Variants in TAF5L observed in about 807,000 individuals in gnomAD.
TAF5L encodes TATA-box binding protein associated factor 5 like, also known as TAF5-like RNA polymerase II p300/CBP-associated factor-associated factor 65 kDa subunit 5L.
A neutral mutation model predicts 51.3 loss-of-function variants in TAF5L; 7 were observed. The observed-to-expected ratio is 0.14, with a 90% confidence interval of 0.08 to 0.26. The LOEUF (loss-of-function observed/expected upper bound fraction) is 0.26. Ranked by LOEUF, TAF5L falls within the 10% of genes least tolerant of loss-of-function variation. The pLI, the probability that TAF5L is intolerant of heterozygous loss-of-function variation, is 1.00. For synonymous variants in TAF5L, 291 were observed against 308.1 expected (o/e 0.94, Z 0.58); for missense variants, 575 against 758.9 (o/e 0.76, Z 2.85).
At chr1:229,595,010 C>T in exon 5 of TAF5L, 27 of 1,614,182 alleles carry the variant, frequency 1.7e-5, no homozygotes, top group Non-Finnish European at 2.2e-5. Context: ...CCTGAGCTGT[C>T]CGCGAGGAAC....
rs563303452 is a variant in TAF5L, at chr1:229,601,582, G to A, written c.972+613C>T. The A allele has an allele frequency of 2.3e-5, 23 of 985,964 alleles. No homozygotes were observed. The South Asian group carries it at 9.4e-4, about 40-fold the overall frequency. The allele number at this position is 985,964 out of a possible 1,614,324, so 61.1% of individuals were successfully genotyped here. On this transcript the variant is annotated intron_variant, in intron 4 of 4. Transcript: ENST00000258281. ...ACAAGATTGAACACTGACTGACGGG[G>A]GGAGGGGAGCTGGCAACTCTACTTC...
intron 1 of TAF5L, among the ~76,000 whole-genome samples, chr1:229,616,656 T>A (rs2102762969): frequency 6.6e-6 from 1 of 152,326 alleles, no homozygotes; most frequent in East Asian, 1.9e-4. Flanking sequence ...CAAGTAATTA[T>A]TTCCTTCTAA....
chr1:229,601,151 G>A, intron 4 of TAF5L: 1 of 985,326 alleles, frequency 1.0e-6, no homozygotes, highest in Non-Finnish European at 1.2e-6. Flanking sequence ...TACTGTCTCG[G>A]TTGCAAGAAT....
rs549804104 is a variant in TAF5L, at chr1:229,601,838, G to A, written c.972+357C>T. The A allele has an allele frequency of 1.1e-5, 11 of 1,036,446 alleles. No individual in the cohort carries two copies. In the Admixed American group the frequency reaches 2.5e-4, roughly 24 times the overall value. 64.2% of individuals were successfully genotyped at this position (1,036,446 alleles called of 1,614,324 possible). A position where few individuals can be genotyped will look rare whatever the true frequency, so the allele number is the denominator to read the frequency against. ...CCTTCGACTCAGTTATCCTACTACC[G>A]ATTATTTGTACCTGAGCAAATGTGC... On this transcript the variant is annotated intron_variant, in intron 4 of 4. Coordinates refer to ENST00000258281, the Ensembl canonical transcript of TAF5L.
chr1:229,600,964 T>C, intron 4 of TAF5L: 1 of 985,416 alleles, frequency 1.0e-6, no homozygotes, highest in Non-Finnish European at 1.2e-6. Flanking sequence ...GCAGTATTCC[T>C]CAGTTTTATC....
chr1:229,621,123 G>A (rs1041492664), intron 1 of TAF5L, among the ~76,000 whole-genome samples: 4 of 152,194 alleles, frequency 2.6e-5, no homozygotes, highest in African/African-American at 9.6e-5. Context: ...ATTGGGCAAT[G>A]AAAATATGAC....
chr1:229,601,875 T>C (rs1297526818), intron 4 of TAF5L: 1 of 1,116,900 alleles, frequency 9.0e-7, no homozygotes. Flanking sequence ...CACACATAAG[T>C]GTATATTTAC....
rs1665432826 is a variant in TAF5L at position 229,625,759 on chromosome 1, C to T, written c.-4+126G>A. 1 of 141,750 alleles carries T rather than the reference C, an allele frequency of 7.1e-6. No homozygotes were observed. The highest frequency in any genetic ancestry group is 2.5e-5 in the African/African-American group (1 of 39,504). 8.8% of individuals were successfully genotyped at this position (141,750 alleles called of 1,614,324 possible). A position where few individuals can be genotyped will look rare whatever the true frequency, so the allele number is the denominator to read the frequency against. On this transcript the variant is annotated intron_variant, in intron 1 of 4. Transcript: ENST00000258281. This position sits in a 1 kb window ranked among gnomAD's most constrained non-coding sequence, Gnocchi z 4.0. The stretch of plus-strand genomic sequence containing the variant: ...AGCCCCGCCTCCCGCGCCCCACCCC[C>T]ACCGCCCGCCGGCGGGAGCCAAGGC...
intron 1 of TAF5L, among the ~76,000 whole-genome samples, chr1:229,614,755 T>G (rs972517353): frequency 6.6e-6 from 1 of 152,126 alleles, no homozygotes; most frequent in African/African-American, 2.4e-5. Context: ...ACCCCCAAAC[T>G]CTGTTTAATA....
intron 3 of TAF5L, among the ~76,000 whole-genome samples, chr1:229,603,167 C>A (rs1664451105): frequency 6.6e-6 from 1 of 152,128 alleles, no homozygotes; most frequent in Non-Finnish European, 1.5e-5. Context: ...GAACTTAATG[C>A]CCAGAGTGGT....
At chr1:229,601,858 A>T in intron 4 of TAF5L, 1 of 1,060,960 alleles carries the variant, frequency 9.4e-7, no homozygotes, top group East Asian at 7.9e-5. Flanking sequence ...ACCTGAGCAA[A>T]TGTGCACACA....
intron 2 of TAF5L, among the ~76,000 whole-genome samples, chr1:229,612,580 T>G (rs1367468945): frequency 6.6e-6 from 1 of 152,352 alleles, no homozygotes; most frequent in African/African-American, 2.4e-5. Context: ...CAAGGAATAA[T>G]GGGTGGATCC....
chr1:229,607,308 A>G (rs987878125), intron 3 of TAF5L: 2 of 985,370 alleles, frequency 2.0e-6, no homozygotes, highest in Non-Finnish European at 2.4e-6. Flanking sequence ...TCATTTCTCA[A>G]GATTGCCAAG....
chr1:229,622,543 G>A (rs1297142448), intron 1 of TAF5L, among the ~76,000 whole-genome samples: 5 of 151,824 alleles, frequency 3.3e-5, no homozygotes, highest in African/African-American at 1.2e-4. Context: ...TTGAAATCAC[G>A]GGCAGATAGG....
Position 229,594,386 on chromosome 1 carries a change from C to T in TAF5L, c.1681G>A (p.Gly561Arg), listed in dbSNP as rs139588500. 21 of 1,614,152 alleles carry T rather than the reference C, an allele frequency of 1.3e-5. No homozygotes were observed. The highest frequency in any genetic ancestry group is 4.4e-5 in the South Asian group (4 of 91,076). Residue 561 changes from glycine to arginine, a missense_variant, in exon 5 of 5, where the codon GGG (glycine) becomes AGG (arginine). By Grantham distance (125) the Gly-to-Arg change is moderately radical. Around this residue, in one of 3 missense-constraint regions of TAF5L, gnomAD observed 91 missense variants for 96.9 expected, o/e 0.94. Transcript: ENST00000258281. The surrounding 1 kb of genome is among the most constrained non-coding windows in gnomAD (Gnocchi z 7.9). ...ACGCTCAGGACGTTGCTCATCTGCC[C>T]GGTGTACACGCCCACGAGCTCGCTG...
intron 1 of TAF5L, among the ~76,000 whole-genome samples, chr1:229,621,801 A>G (rs959343277): frequency 6.6e-6 from 1 of 152,222 alleles, no homozygotes; most frequent in Non-Finnish European, 1.5e-5. Context: ...CACTAAAGAA[A>G]TTCACTCCAA....
chr1:229,618,447 T>C (rs921558784), intron 1 of TAF5L, among the ~76,000 whole-genome samples: 1 of 152,202 alleles, frequency 6.6e-6, no homozygotes, highest in Admixed American at 6.5e-5. Context: ...TTCTCATGTA[T>C]CAACAGTTGC....
At position 229,602,872 on chromosome 1, in the gene TAF5L, G is replaced by C; in HGVS notation, c.295C>G (p.Leu99Val). ...AGGTTGAGATGGAGGTAGACAAAGA[G>C]AGGATAGAGGAGAGGCATCACTTCG... Residue 99 changes from leucine (L) to valine (V), a missense_variant, in exon 4 of 5, where the codon CTC becomes GTC. Around this residue, in one of 3 missense-constraint regions of TAF5L, gnomAD observed 380 missense variants for 443.7 expected, o/e 0.86. Transcript: ENST00000258281. This position sits in a 1 kb window ranked among gnomAD's most constrained non-coding sequence, Gnocchi z 4.6. The C allele has an allele frequency of 6.2e-7, 1 of 1,607,594 alleles. No homozygotes were observed. The highest frequency in any genetic ancestry group is 8.5e-7 in the Non-Finnish European group (1 of 1,179,868).
intron 3 of TAF5L, among the ~76,000 whole-genome samples, chr1:229,605,413 A>G (rs1664557063): frequency 6.6e-6 from 1 of 152,130 alleles, no homozygotes; most frequent in Admixed American, 6.5e-5. Context: ...TGTACACAGG[A>G]TAATTTTATT....
Sources: gnomAD v4.1 joint callset for allele counts (sites outside exome capture counted in the v4.1 genomes callset) on GRCh38, gnomAD v4.1.1 for gene constraint, gnomAD v4.1.1 regional missense constraint, Gnocchi (gnomAD v3.1) non-coding constraint, MANE v1.5 for transcripts, NCBI Gene and HGNC (gene_info 2026-07-23, HGNC 2026-07-21) for gene names.